Variants in STXBP4 observed in about 807,000 individuals in gnomAD.
STXBP4 encodes the protein syntaxin-binding protein 4.
In STXBP4, 55 loss-of-function variants were observed where a neutral mutation model predicts 76.1. The ratio of observed to expected loss-of-function variants is 0.72; its 90% confidence interval spans 0.58 to 0.91. The LOEUF is 0.91. Among genes scored for constraint, STXBP4 ranks in the 40% least tolerant of loss-of-function variants. STXBP4 has a pLI of 0.00. For synonymous variants in STXBP4, 201 were observed against 220.2 expected (o/e 0.91, Z 0.77); for missense variants, 618 against 636.9 (o/e 0.97, Z 0.32).
At position 55,081,115 on chromosome 17, in the gene STXBP4, T is replaced by C. The variant is rs559307096; in HGVS notation, c.1421T>C (p.Ile474Thr). The change falls in exon 16 of 18, where the codon ATC (isoleucine) becomes ACC (threonine). Residue 474 changes from isoleucine to threonine, a missense_variant. Physicochemically the swap from Ile to Thr is moderately conservative, Grantham distance 89. Transcript: ENST00000376352. ...CCACTGGGAAGGAATGGACGTAGCA[T>C]CCCAGCAACGCTGGCGCTTGAATCT... is the stretch of plus-strand genomic sequence containing the variant. Reference protein sequence around the residue: ...LTPLGRNGRSIPATLALESKE... With the variant: ...LTPLGRNGRSTPATLALESKE... The C allele has an allele frequency of 6.4e-7, 1 of 1,558,424 alleles. No homozygotes were observed.
At chr17:55,143,069 A>G (rs1047997147) in intron 17 of STXBP4, among the ~76,000 whole-genome samples, 15 of 152,198 alleles carry the variant, frequency 9.9e-5, no homozygotes, top group African/African-American at 3.4e-4. Context: ...ATAAAGGAAA[A>G]GATGAGGGCA....
At chr17:55,122,424 C>G (rs1324033532) in intron 16 of STXBP4, among the ~76,000 whole-genome samples, 1 of 152,226 alleles carries the variant, frequency 6.6e-6, no homozygotes, top group South Asian at 2.1e-4. Flanking sequence ...TGAGCAGAAG[C>G]TCACAAGGCA....
At chr17:55,185,305 C>T in the STXBP4 span, among the ~76,000 whole-genome samples, 11 of 112,808 alleles carry the variant, frequency 9.8e-5, no homozygotes, top group Admixed American at 3.5e-4. Flanking sequence ...TTCTCCTTCT[C>T]CTTCTCCTTC....
chr17:55,174,937 C>G (rs12602464), downstream of STXBP4, among the ~76,000 whole-genome samples: 1 of 151,836 alleles, frequency 6.6e-6, no homozygotes, highest in Non-Finnish European at 1.5e-5. Flanking sequence ...GGCAGGAGAA[C>G]GGCGTGAACC....
At position 54,968,767 on chromosome 17, in the gene STXBP4, G is replaced by A. The variant is rs533436889; in HGVS notation, c.-205G>A. ...CTGCCTTGGCTACCAGGCTCCTCAG[G>A]TGGCAGCGCTTGCAGTCGGGCTACG... On this transcript the variant is annotated 5_prime_UTR_variant, in exon 1 of 18. It adds an upstream start codon to the 5' untranslated region. Coordinates refer to ENST00000376352, the MANE Select transcript of STXBP4 (RefSeq NM_178509.6). The A allele has an allele frequency of 3.4e-5, 42 of 1,230,616 alleles. No homozygotes were observed. Among genetic ancestry groups the A allele is most frequent in the Non-Finnish European group, 4.6e-5 (41 of 889,782 alleles). The allele number at this position is 1,230,616 out of a possible 1,614,324, so 76.2% of individuals were successfully genotyped here. A position where few individuals can be genotyped will look rare whatever the true frequency, so the allele number is the denominator to read the frequency against.
intron 8 of STXBP4, among the ~76,000 whole-genome samples, chr17:55,022,687 G>T (rs192201740): frequency 3.3e-5 from 5 of 152,066 alleles, no homozygotes; most frequent in Non-Finnish European, 7.4e-5. Context: ...GACATGAAGC[G>T]TGAGAATTAT....
At chr17:55,082,962 G>C (rs2079275653) in intron 16 of STXBP4, among the ~76,000 whole-genome samples, 1 of 149,532 alleles carries the variant, frequency 6.7e-6, no homozygotes, top group South Asian at 2.1e-4. Flanking sequence ...TTGCATGCAA[G>C]AAAGCATTTT....
At chr17:55,034,445 C>T (rs968347241) in intron 10 of STXBP4, among the ~76,000 whole-genome samples, 186 bp downstream of exon 10, 5 of 152,066 alleles carry the variant, frequency 3.3e-5, no homozygotes, top group Admixed American at 6.6e-5. Flanking sequence ...TCTCCTCTCT[C>T]GCTAGCCTCT....
the STXBP4 span, among the ~76,000 whole-genome samples, chr17:55,193,890 T>G: frequency 6.7e-6 from 1 of 148,436 alleles, no homozygotes; most frequent in African/African-American, 2.5e-5. Context: ...GCATCACCAA[T>G]CTCAGGAAGA....
In STXBP4 at chr17:54,990,925, C is replaced by A; in HGVS notation, c.148C>A (p.Gln50Lys). 1.3e-6 allele frequency: 2 copies of A among 1,595,220 alleles called. No individual in the cohort carries two copies. Among genetic ancestry groups the A allele is most frequent in the Non-Finnish European group, 1.7e-6 (2 of 1,173,534 alleles). The change falls in exon 4 of 18, where the codon CAG (glutamine) becomes AAG (lysine). Residue 50 changes from glutamine to lysine, a missense_variant. By Grantham distance (53) the Gln-to-Lys change is moderately conservative. Transcript: ENST00000376352. ...GAATGAAGGCCCATTGGTATATATT[C>A]AGGAAATTATTCCTGGAGGAGACTG... ...NRNEGPLVYI[Q>K]EIIPGGDCYK...
intron 7 of STXBP4, among the ~76,000 whole-genome samples, chr17:55,005,827 AGTTATCTGCTG>A (rs2077996309): frequency 6.6e-6 from 1 of 152,130 alleles, no homozygotes; most frequent in Non-Finnish European, 1.5e-5. Flanking sequence ...TGAAAAATAA[AGTTATCTGCTG>A]GTTGGTCTTC....
the STXBP4 span, among the ~76,000 whole-genome samples, chr17:55,185,278 TCTC>T: frequency 1.5e-4 from 13 of 89,116 alleles, no homozygotes; most frequent in African/African-American, 5.3e-4. Context: ...TCCTTCTCCT[TCTC>T]CTTCTCCTTC....
chr17:55,182,901 G>A, the STXBP4 span, among the ~76,000 whole-genome samples: 2 of 151,996 alleles, frequency 1.3e-5, no homozygotes, highest in Non-Finnish European at 2.9e-5. Flanking sequence ...GACAACAAAA[G>A]TCAAGAGAAT....
At chr17:55,008,860 T>C (rs1478263448) in intron 8 of STXBP4, among the ~76,000 whole-genome samples, 1 of 152,200 alleles carries the variant, frequency 6.6e-6, no homozygotes, top group Non-Finnish European at 1.5e-5. Flanking sequence ...AAGAAAGACC[T>C]TCCGGCTTCT....
At chr17:55,074,814 T>A (rs1567749804) in intron 13 of STXBP4, among the ~76,000 whole-genome samples, 1 of 151,798 alleles carries the variant, frequency 6.6e-6, no homozygotes, top group South Asian at 2.1e-4. Context: ...CTTTAAAGAG[T>A]CTCTTTAAAG....
At chr17:54,983,168 A>G (rs1374601680) in intron 1 of STXBP4, among the ~76,000 whole-genome samples, 3 of 152,136 alleles carry the variant, frequency 2.0e-5, no homozygotes, top group Non-Finnish European at 2.9e-5. Context: ...GCCTTTCTCC[A>G]TACTCCCTGT....
chr17:55,198,481 A>C, the STXBP4 span, among the ~76,000 whole-genome samples: 1 of 152,226 alleles, frequency 6.6e-6, no homozygotes, highest in Non-Finnish European at 1.5e-5. Flanking sequence ...AACTTTAAAA[A>C]AAAAGTTTTA....
At chr17:55,068,968 T>C (rs1003871084) in intron 12 of STXBP4, among the ~76,000 whole-genome samples, 3 of 152,066 alleles carry the variant, frequency 2.0e-5, no homozygotes. Context: ...GTGTGAGCTG[T>C]TACCGTGCTT....
rs140920955 is a variant in STXBP4 at position 55,143,037 on chromosome 17, C to T, written c.1547+1670C>T. 1.9e-4 allele frequency among the ~76,000 whole-genome samples: 29 copies of T among 152,276 alleles called. 1 individual carries two copies. The East Asian group carries it at 5.4e-3, about 28-fold the overall frequency. Reference sequence around the variant, plus strand: ...AAATCTGTGTTGCATTTCTTTCTTTCTCTCTTTTTGATATTAACTTTATAA... The same window carrying T: ...AAATCTGTGTTGCATTTCTTTCTTTTTCTCTTTTTGATATTAACTTTATAA... On this transcript the variant is annotated intron_variant, in intron 17 of 17. Transcript: ENST00000376352.
Sources: allele counts gnomAD v4.1 joint callset (sites outside exome capture counted in the v4.1 genomes callset), GRCh38; gene constraint gnomAD v4.1.1; transcripts MANE v1.5; gene names NCBI Gene and HGNC (gene_info 2026-07-23, HGNC 2026-07-21).